Variants in PRAMEF20 observed in about 807,000 individuals in gnomAD.
PRAMEF20 encodes the protein PRAME family member 20.
A neutral mutation model predicts 32.4 loss-of-function variants in PRAMEF20; 27 were observed. The observed-to-expected ratio is 0.83, with a 90% CI of 0.61 to 1.15. The LOEUF (loss-of-function observed/expected upper bound fraction) is 1.15, where lower values mean the gene tolerates loss of function less well. Ranked by LOEUF, PRAMEF20 falls within the 50% of genes most tolerant of loss-of-function variation. The pLI is 0.00. For synonymous variants in PRAMEF20, 256 were observed against 235.4 expected (o/e 1.09, Z -0.80); for missense variants, 604 against 584.5 (o/e 1.03, Z -0.34).
chr1:13,418,262 G>C (rs1456831517), exon 2 of PRAMEF20: 3 of 1,613,852 alleles, frequency 1.9e-6, no homozygotes, highest in Non-Finnish European at 8.5e-7. Flanking sequence ...AGGATGAGAG[G>C]ACAGCAGCCC....
upstream of PRAMEF20, among the ~76,000 whole-genome samples, chr1:13,412,882 C>A (rs991776481): frequency 1.3e-5 from 2 of 151,770 alleles, no homozygotes; most frequent in South Asian, 4.2e-4. Flanking sequence ...CAAAATGACG[C>A]CACTGCACTC....
upstream of PRAMEF20, among the ~76,000 whole-genome samples, chr1:13,415,758 C>G (rs1267677080): frequency 7.0e-6 from 1 of 142,016 alleles, no homozygotes; most frequent in South Asian, 2.4e-4. Context: ...CCACTGCACT[C>G]CAGCCTGGGT....
At chr1:13,412,288 G>GA (rs1641122291), upstream of PRAMEF20, among the ~76,000 whole-genome samples, 2 of 152,152 alleles carry the variant, frequency 1.3e-5, no homozygotes, top group South Asian at 4.1e-4. Context: ...AAAGTGTTGG[G>GA]ACTGCAGGCG....
upstream of PRAMEF20, among the ~76,000 whole-genome samples, chr1:13,414,194 A>G (rs961477748): frequency 8.5e-4 from 124 of 145,462 alleles, no homozygotes; most frequent in Non-Finnish European, 1.6e-3. Flanking sequence ...GGCACCCGCC[A>G]TCACACCTGA....
At chr1:13,421,171 C>A in exon 3 of PRAMEF20, 2 of 1,613,836 alleles carry the variant, frequency 1.2e-6, no homozygotes, top group Non-Finnish European at 1.7e-6. Context: ...TAAGGGAGCC[C>A]GAGAGGATCT....
chr1:13,411,567 T>C (rs963522539), upstream of PRAMEF20, among the ~76,000 whole-genome samples: 1 of 152,198 alleles, frequency 6.6e-6, no homozygotes, highest in Admixed American at 6.5e-5. Context: ...GTCATTATCC[T>C]GGGTGTAATT....
At chr1:13,420,287 T>C (rs1641228671) in intron 2 of PRAMEF20, among the ~76,000 whole-genome samples, 1 of 152,200 alleles carries the variant, frequency 6.6e-6, no homozygotes, top group African/African-American at 2.4e-5. Context: ...CTCTGCTCAC[T>C]GCAACTTCCA....
chr1:13,416,194 C>T (rs1641167258), upstream of PRAMEF20, among the ~76,000 whole-genome samples: 1 of 152,212 alleles, frequency 6.6e-6, no homozygotes, highest in Non-Finnish European at 1.5e-5. Flanking sequence ...GGCTTTGTGG[C>T]CACTGAGTAC....
upstream of PRAMEF20, among the ~76,000 whole-genome samples, chr1:13,414,208 ATTTTTTT>A (rs149194621): frequency 1.3e-4 from 16 of 123,268 alleles, no homozygotes; most frequent in South Asian, 2.7e-4. Flanking sequence ...CACCTGACTA[ATTTTTTT>A]TTTTTTTTTT....
At chr1:13,416,219 G>A, upstream of PRAMEF20, 7 of 1,520,118 alleles carry the variant, frequency 4.6e-6, no homozygotes, top group Non-Finnish European at 5.5e-6. Context: ...TAGAATTGGA[G>A]TAAACTGAGG....
At chr1:13,413,053 C>G (rs899963339), upstream of PRAMEF20, among the ~76,000 whole-genome samples, 1 of 151,280 alleles carries the variant, frequency 6.6e-6, no homozygotes, top group Admixed American at 6.6e-5. Flanking sequence ...CTGAAATATT[C>G]TGATAAATTT....
chr1:13,411,382 C>T (rs1641112685), upstream of PRAMEF20, among the ~76,000 whole-genome samples: 1 of 150,926 alleles, frequency 6.6e-6, no homozygotes, highest in Non-Finnish European at 1.5e-5. Flanking sequence ...TAAACAATAT[C>T]CAATTAATTG....
chr1:13,415,592 G>C (rs1309558347), upstream of PRAMEF20, among the ~76,000 whole-genome samples: 1 of 149,966 alleles, frequency 6.7e-6, no homozygotes, highest in Non-Finnish European at 1.5e-5. Context: ...ACCAGCCTGG[G>C]CAACATAGGG....
chr1:13,411,431 AAGG>A, upstream of PRAMEF20, among the ~76,000 whole-genome samples: 1 of 152,134 alleles, frequency 6.6e-6, no homozygotes, highest in African/African-American at 2.4e-5. Context: ...CCCTTCAAAA[AAGG>A]AGAGAAAGAG....
chr1:13,417,304 G>A (rs1641187070), intron 1 of PRAMEF20, among the ~76,000 whole-genome samples: 2 of 152,020 alleles, frequency 1.3e-5, no homozygotes, highest in Admixed American at 1.3e-4. Context: ...GAATCCTGCT[G>A]ATTGGTGCAT....
chr1:13,418,798 A>C, intron 2 of PRAMEF20, 98 bp downstream of exon 3: 1 of 1,588,044 alleles, frequency 6.3e-7, no homozygotes, highest in Non-Finnish European at 8.5e-7. Flanking sequence ...ATGTAACAGT[A>C]AAGGGGACAC....
chr1:13,418,303 AACAGGACTCTGGATGAATACTT>A lies in PRAMEF20; in HGVS notation c.470_491del (p.Asn157ThrfsTer14). On this transcript the variant is annotated frameshift_variant, in exon 2 of 3. Transcript: ENST00000602960. LOFTEE classifies it high-confidence loss of function. ...TGTGTTCATAGACCTTTGCCTCAAG[AACAGGACTCTGGATGAATACTT>A]CACCTGCCTCTTTCTATGGGTCAAG... The A allele has an allele frequency of 6.2e-7, 1 of 1,613,878 alleles. No individual in the cohort carries two copies. Among genetic ancestry groups the A allele is most frequent in the Non-Finnish European group, 8.5e-7 (1 of 1,179,854 alleles).
At chr1:13,418,329 C>T in exon 2 of PRAMEF20, 1 of 1,613,850 alleles carries the variant, frequency 6.2e-7, no homozygotes, top group East Asian at 2.2e-5. Context: ...AATACTTCAC[C>T]TGCCTCTTTC....
At chr1:13,418,558 A>G (rs1641208312) in exon 2 of PRAMEF20, 4 of 1,613,834 alleles carry the variant, frequency 2.5e-6, no homozygotes, top group Admixed American at 1.7e-5. Flanking sequence ...TCTCTCTGAC[A>G]TAGATTCTCG....
Sources: gnomAD v4.1 joint callset for allele counts (sites outside exome capture counted in the v4.1 genomes callset) on GRCh38, gnomAD v4.1.1 for gene constraint, MANE v1.5 for transcripts, NCBI Gene and HGNC (gene_info 2026-07-23, HGNC 2026-07-21) for gene names.